The following CSMD3 variants were observed in gnomAD, a reference collection of about 807,000 sequenced individuals.
CSMD3 encodes the protein CUB and sushi domain-containing protein 3.
A neutral mutation model predicts 435.2 loss-of-function variants in CSMD3; 177 were observed. The observed-to-expected ratio is 0.41, with a 90% CI of 0.36 to 0.46. The LOEUF is 0.46. Ranked by LOEUF, CSMD3 falls within the 20% of genes least tolerant of loss-of-function variation. CSMD3 has a pLI of 0.34. For missense variants in CSMD3, 4,265 were observed against 4,504.6 expected, an observed-to-expected ratio of 0.95 and a Z score of 1.52; for synonymous variants, 1,656 against 1,520.5, an observed-to-expected ratio of 1.09 and a Z score of -2.07.
chr8:113,370,893 T>C lies in CSMD3; in HGVS notation c.179-56100A>G, dbSNP rs758899942. Among the ~76,000 whole-genome samples, 14 of 152,228 alleles carry C rather than the reference T, an allele frequency of 9.2e-5. No individual in the cohort carries two copies. The East Asian group carries it at 9.6e-4, about 10-fold the overall frequency. ...CATGAAGTTACATGCAATAAAGTCA[T>C]TGTAAGATTAATAACAAATTATCTT... is the stretch of plus-strand genomic sequence containing the variant. On this transcript the variant is annotated intron_variant, in intron 1 of 70. Coordinates refer to ENST00000297405, the MANE Select transcript of CSMD3 (RefSeq NM_198123.2).
intron 31 of CSMD3, among the ~76,000 whole-genome samples, chr8:112,490,173 T>C (rs1407425225): frequency 6.6e-6 from 1 of 152,158 alleles, no homozygotes; most frequent in Non-Finnish European, 1.5e-5. Flanking sequence ...TCTATATGTG[T>C]TGTGTTTACT....
chr8:112,568,398 G>C (rs1170914723), intron 24 of CSMD3, among the ~76,000 whole-genome samples: 1 of 151,938 alleles, frequency 6.6e-6, no homozygotes, highest in African/African-American at 2.4e-5. Flanking sequence ...TTCGAGACCA[G>C]CCTGGCCAAT....
intron 16 of CSMD3, among the ~76,000 whole-genome samples, chr8:112,678,774 G>T (rs1052683851): frequency 1.3e-5 from 2 of 152,102 alleles, no homozygotes; most frequent in East Asian, 3.9e-4. Context: ...TAGAAATTTA[G>T]TTGTATTAAC....
chr8:112,899,833 GGAGA>G (rs373458764), intron 10 of CSMD3, among the ~76,000 whole-genome samples: 46 of 145,272 alleles, frequency 3.2e-4, no homozygotes, highest in Admixed American at 2.4e-3. Flanking sequence ...GTATATATAT[GGAGA>G]GAGAGAGAGA....
intron 5 of CSMD3, among the ~76,000 whole-genome samples, chr8:113,033,411 G>A (rs2087205098): frequency 6.6e-6 from 1 of 151,720 alleles, no homozygotes; most frequent in Non-Finnish European, 1.5e-5. Context: ...CAAAGGAGAT[G>A]ATTTAGGAGC....
chr8:112,839,471 T>C (rs1390542709), intron 11 of CSMD3, among the ~76,000 whole-genome samples: 1 of 151,790 alleles, frequency 6.6e-6, no homozygotes, highest in Non-Finnish European at 1.5e-5. Flanking sequence ...CTGGAGGATA[T>C]AATTTAAATT....
intron 5 of CSMD3, among the ~76,000 whole-genome samples, chr8:113,024,471 T>C (rs1025049638): frequency 6.6e-6 from 1 of 152,148 alleles, no homozygotes; most frequent in South Asian, 2.1e-4. Context: ...GATATTTACC[T>C]GGTAGTAGTA....
intron 51 of CSMD3, among the ~76,000 whole-genome samples, chr8:112,305,282 T>A (rs543189987): frequency 5.9e-5 from 9 of 152,248 alleles, no homozygotes; most frequent in Non-Finnish European, 1.0e-4. Flanking sequence ...GATATCAACT[T>A]TAGCTAATTC....
At chr8:112,765,343 A>C (rs1172169321) in intron 13 of CSMD3, among the ~76,000 whole-genome samples, 2 of 151,570 alleles carry the variant, frequency 1.3e-5, no homozygotes, top group Non-Finnish European at 3.0e-5. Context: ...GGGCTGGTGG[A>C]AGAAGGAATT....
At chr8:112,306,595 T>G (rs906270927) in intron 50 of CSMD3, among the ~76,000 whole-genome samples, 6 of 152,270 alleles carry the variant, frequency 3.9e-5, no homozygotes, top group Middle Eastern at 3.4e-3. Flanking sequence ...TATTAAATAT[T>G]TTAAAGAGAG....
intron 7 of CSMD3, among the ~76,000 whole-genome samples, chr8:112,955,450 T>C (rs1356438988): frequency 6.6e-6 from 1 of 151,802 alleles, no homozygotes; most frequent in Non-Finnish European, 1.5e-5. Context: ...AAGCATACAA[T>C]GTGTAATGAT....
At chr8:112,354,520 T>G (rs1248824545) in intron 38 of CSMD3, among the ~76,000 whole-genome samples, 1 of 152,184 alleles carries the variant, frequency 6.6e-6, no homozygotes, top group Admixed American at 6.5e-5. Context: ...ATTTAATCAA[T>G]GCACAAAAAT....
At chr8:112,919,794 G>C (rs2082680646) in intron 10 of CSMD3, among the ~76,000 whole-genome samples, 1 of 151,692 alleles carries the variant, frequency 6.6e-6, no homozygotes, top group African/African-American at 2.4e-5. Flanking sequence ...ATTCATGAAA[G>C]TAACCCTTAC....
At chr8:113,241,120 G>A (rs1308163911) in intron 3 of CSMD3, among the ~76,000 whole-genome samples, 6 of 152,010 alleles carry the variant, frequency 3.9e-5, no homozygotes, top group Non-Finnish European at 8.8e-5. Flanking sequence ...TGCCTTTCAG[G>A]CTTCTAGGGC....
intron 66 of CSMD3, 123 bp from the exon 67 acceptor site, chr8:112,237,471 G>A (rs2129997758): frequency 1.4e-6 from 1 of 730,156 alleles, no homozygotes; most frequent in South Asian, 1.6e-5. Context: ...TTGAATGTGT[G>A]TTACAAAATT....
At chr8:112,548,634 T>C (rs1827402605) in intron 27 of CSMD3, among the ~76,000 whole-genome samples, 1 of 152,124 alleles carries the variant, frequency 6.6e-6, no homozygotes, top group South Asian at 2.1e-4. Flanking sequence ...AATGAGATTA[T>C]GTATATAAAG....
chr8:112,595,939 A>AG (rs1185183082), intron 22 of CSMD3, among the ~76,000 whole-genome samples: 1 of 142,588 alleles, frequency 7.0e-6, no homozygotes, highest in African/African-American at 2.7e-5. Context: ...CATCAAGACT[A>AG]GGAAGAAACT....
intron 12 of CSMD3, among the ~76,000 whole-genome samples, chr8:112,814,781 C>CA (rs112177665): frequency 0.011 from 1,454 of 131,160 alleles, 13 homozygotes; most frequent in South Asian, 0.034. Context: ...GACTCCATCT[C>CA]AAAAAAAAAA....
chr8:112,524,458 T>C (rs1290261319), intron 27 of CSMD3, among the ~76,000 whole-genome samples: 9 of 152,210 alleles, frequency 5.9e-5, no homozygotes, highest in Non-Finnish European at 1.5e-5. Flanking sequence ...TTCAATCAGA[T>C]TCGTTAAATA....
Sources: allele counts gnomAD v4.1 joint callset (sites outside exome capture counted in the v4.1 genomes callset), GRCh38; gene constraint gnomAD v4.1.1; transcripts MANE v1.5; gene names NCBI Gene and HGNC (gene_info 2026-07-23, HGNC 2026-07-21).